Variants in SLC4A3 observed in about 807,000 individuals in gnomAD.
SLC4A3 encodes the protein anion exchange protein 3.
In SLC4A3, 47 loss-of-function variants were observed where a neutral mutation model predicts 114.2. The ratio of observed to expected loss-of-function variants is 0.41; its 90% CI spans 0.33 to 0.52. The LOEUF is 0.52. Among genes scored for constraint, SLC4A3 ranks in the 20% least tolerant of loss-of-function variants. The pLI is 0.21. For synonymous variants in SLC4A3, 693 were observed against 710.3 expected (o/e 0.98, Z 0.39); for missense variants, 1,312 against 1,668.3 (o/e 0.79, Z 3.72).
rs1175355720 is a variant in SLC4A3, at chr2:219,629,299, C to G, written c.373C>G (p.Pro125Ala). 2.5e-6 allele frequency: 4 copies of G among 1,613,726 alleles called. No homozygotes were observed. The South Asian group carries it at 4.4e-5, about 18-fold the overall frequency. Reference sequence around the variant, plus strand: ...TGCTCCTCCCTCCGAGGGGACCCCTCCCATCCAGGAGGAGGGGGGAGCTGG... The same window carrying G: ...TGCTCCTCCCTCCGAGGGGACCCCTGCCATCCAGGAGGAGGGGGGAGCTGG... ...TSAPPSEGTP[P>A]IQEEGGAGVD... The change falls in exon 4 of 23, where the codon CCC (proline) becomes GCC (alanine). Residue 125 changes from proline (P) to alanine (A), a missense_variant. This residue lies in a region of SLC4A3 where 236 missense variants were observed against 212.1 expected (regional missense o/e 1.11). Coordinates refer to ENST00000358055, the MANE Select transcript of SLC4A3 (RefSeq NM_005070.4).
Position 219,628,870 on chromosome 2 carries a change from C to T in SLC4A3, c.218-274C>T, listed in dbSNP as rs780172514. 2.7e-4 allele frequency: 159 copies of T among 582,402 alleles called. No individual in the cohort carries two copies. The highest frequency in any genetic ancestry group is 3.9e-4 in the Non-Finnish European group (129 of 333,772). The allele number at this position is 582,402 out of a possible 1,614,324, so 36.1% of individuals were successfully genotyped here. ...CACTCACTCCCTCCTTGTCCCACCTCGGCTAGTCCAACTCCGCCTTTCCCC... is the reference window on the plus strand; with the variant it reads ...CACTCACTCCCTCCTTGTCCCACCTTGGCTAGTCCAACTCCGCCTTTCCCC... On this transcript the variant is annotated intron_variant, in intron 3 of 22. Coordinates refer to ENST00000358055, the MANE Select transcript of SLC4A3 (RefSeq NM_005070.4). The surrounding 1 kb of genome is among the most constrained non-coding windows in gnomAD (Gnocchi z 4.8).
intron 10 of SLC4A3, 161 bp from the exon 11 acceptor site, chr2:219,633,719 C>T: frequency 1.7e-6 from 2 of 1,156,400 alleles, no homozygotes; most frequent in East Asian, 2.6e-5. Context: ...AGGCAGGGTC[C>T]ACATCCCAGC....
Position 219,639,884 on chromosome 2 carries a change from C to T in SLC4A3, c.3277+149C>T. On this transcript the variant is annotated intron_variant, in intron 20 of 22. Coordinates refer to ENST00000358055, the MANE Select transcript of SLC4A3 (RefSeq NM_005070.4). The surrounding 1 kb of genome is among the most constrained non-coding windows in gnomAD (Gnocchi z 5.9). Reference sequence around the variant, plus strand: ...AACCTGCTTCCCAGCACTCCCCTAGCCCTTTACTCCTGGAGTCCTTTTCTG... The same window carrying T: ...AACCTGCTTCCCAGCACTCCCCTAGTCCTTTACTCCTGGAGTCCTTTTCTG... 1 of 975,462 alleles carries T rather than the reference C, an allele frequency of 1.0e-6. No individual in the cohort carries two copies. The highest frequency in any genetic ancestry group is 1.5e-6 in the Non-Finnish European group (1 of 665,660). The allele number at this position is 975,462 out of a possible 1,614,324, so 60.4% of individuals were successfully genotyped here.
intron 10 of SLC4A3, 93 bp downstream of exon 10, chr2:219,633,550 G>T: frequency 8.4e-7 from 1 of 1,189,632 alleles, no homozygotes; most frequent in South Asian, 1.7e-5. Context: ...GGGTTGGGAA[G>T]GTTGGATTGC....
In SLC4A3 at chr2:219,628,445, TGGA is replaced by T. The variant is rs1559195653; in HGVS notation, c.102_104del (p.Glu34del). The T allele has an allele frequency of 3.1e-6, 5 of 1,613,378 alleles. No homozygotes were observed. In the South Asian group the frequency reaches 5.5e-5, roughly 18 times the overall value. Reference sequence around the variant, plus strand: ...GAGGAGCCCCCTCTAAGTCCAGACGTGGAGGAGGAGGACGATGACTTGGGCAAG... The same window carrying T: ...GAGGAGCCCCCTCTAAGTCCAGACGTGGAGGAGGACGATGACTTGGGCAAG... On this transcript the variant is annotated inframe_deletion, in exon 3 of 23. Coordinates refer to ENST00000358055, the MANE Select transcript of SLC4A3 (RefSeq NM_005070.4). The surrounding 1 kb of genome is among the most constrained non-coding windows in gnomAD (Gnocchi z 4.8).
In SLC4A3 at chr2:219,641,744, C is replaced by T; in HGVS notation, c.*16C>T. On this transcript the variant is annotated 3_prime_UTR_variant, in exon 23 of 23. Coordinates refer to ENST00000358055, the MANE Select transcript of SLC4A3 (RefSeq NM_005070.4). This position sits in a 1 kb window ranked among gnomAD's most constrained non-coding sequence, Gnocchi z 4.0. ...GCCAGTGTGACCCTTGAAGACAGTG[C>T]CCCTCAGAGACCCCAAGACCTTAGG... The T allele has an allele frequency of 6.2e-7, 1 of 1,605,158 alleles. No homozygotes were observed. The highest frequency in any genetic ancestry group is 8.5e-7 in the Non-Finnish European group (1 of 1,171,992).
chr2:219,629,693 C>G lies in SLC4A3; in HGVS notation c.609C>G (p.Ser203Arg). The G allele has an allele frequency of 6.2e-7, 1 of 1,605,128 alleles. No individual in the cohort carries two copies. Among genetic ancestry groups the G allele is most frequent in the Non-Finnish European group, 8.5e-7 (1 of 1,173,398 alleles). ...PHTDKSPQHS[S>R]SSPSPRARAS... Reference sequence around the variant, plus strand: ...CTGACAAGAGCCCCCAGCACTCCAGCAGGTACTGGCTGCAGCCTCTACTCA... The same window carrying G: ...CTGACAAGAGCCCCCAGCACTCCAGGAGGTACTGGCTGCAGCCTCTACTCA... Residue 203 changes from serine to arginine, a missense_variant and splice_region_variant, in exon 5 of 23, where the codon AGC (serine) becomes AGG (arginine). Around this residue, in one of 4 missense-constraint regions of SLC4A3, gnomAD observed 771 missense variants for 977.7 expected, o/e 0.79. Coordinates refer to ENST00000358055, the MANE Select transcript of SLC4A3 (RefSeq NM_005070.4).
chr2:219,632,255 C>T lies in SLC4A3; in HGVS notation c.961-7C>T. ...CCCTGGGCCCTCACCTTTGGCACGC[C>T]CCCCAGGTGTTCGTGGAGCTGAACG... On this transcript the variant is annotated splice_polypyrimidine_tract_variant and splice_region_variant and intron_variant, in intron 7 of 22. Coordinates refer to ENST00000358055, the MANE Select transcript of SLC4A3 (RefSeq NM_005070.4). 6.2e-7 allele frequency: 1 copy of T among 1,613,954 alleles called. No homozygotes were observed. The highest frequency in any genetic ancestry group is 1.3e-5 in the African/African-American group (1 of 75,062).
chr2:219,630,398 TC>T lies in SLC4A3; in HGVS notation c.811+49del. The stretch of plus-strand genomic sequence containing the variant: ...GCCCCCATGGTCCACTGCGACGGAC[TC>T]CCAGCCTGCGAGTGACCTTGGAGAG... On this transcript the variant is annotated intron_variant, in intron 6 of 22. Coordinates refer to ENST00000358055, the MANE Select transcript of SLC4A3 (RefSeq NM_005070.4). The surrounding 1 kb of genome is among the most constrained non-coding windows in gnomAD (Gnocchi z 6.9). 1 of 1,547,170 alleles carries T rather than the reference TC, an allele frequency of 6.5e-7. No homozygotes were observed. The highest frequency in any genetic ancestry group is 8.7e-7 in the Non-Finnish European group (1 of 1,147,556).
chr2:219,627,748 A>C lies in SLC4A3; in HGVS notation c.-94+3A>C. ...CTCGCAGGCTCCGGAGCCCCGAGGTACCGCGGGGCGGGGCACGCCGGGCAG... is the reference window on the plus strand; with the variant it reads ...CTCGCAGGCTCCGGAGCCCCGAGGTCCCGCGGGGCGGGGCACGCCGGGCAG... On this transcript the variant is annotated splice_donor_region_variant and intron_variant, in intron 1 of 22. Coordinates refer to ENST00000358055, the MANE Select transcript of SLC4A3 (RefSeq NM_005070.4). The C allele has an allele frequency of 3.3e-6, 1 of 301,736 alleles. No individual in the cohort carries two copies. Among genetic ancestry groups the C allele is most frequent in the Non-Finnish European group, 6.1e-6 (1 of 165,198 alleles). 18.7% of individuals were successfully genotyped at this position (301,736 alleles called of 1,614,324 possible).
rs1172804322 is a variant in SLC4A3 at position 219,635,476 on chromosome 2, G to T, written c.1952G>T (p.Gly651Val). Residue 651 changes from glycine (G) to valine (V), a missense_variant, in exon 13 of 23, where the codon GGC (glycine) becomes GTC (valine). This residue lies in a region of SLC4A3 where 771 missense variants were observed against 977.7 expected (regional missense o/e 0.79). Transcript: ENST00000358055. The part of the protein sequence containing the change: ...QTKVEMTTRG[G>V]YTAPGKELSL... ...AAAGTCGAGATGACCACACGGGGTG[G>T]CTACACGGCCCCTGGGAAAGGTCAG... is the stretch of plus-strand genomic sequence containing the variant. 9.3e-6 allele frequency: 15 copies of T among 1,612,100 alleles called. No homozygotes were observed. The highest frequency in any genetic ancestry group is 1.3e-5 in the Non-Finnish European group (15 of 1,179,110).
rs1237813312 is a variant in SLC4A3 at position 219,638,053 on chromosome 2, G to A, written c.2767-111G>A. On this transcript the variant is annotated intron_variant, in intron 17 of 22. Coordinates refer to ENST00000358055, the MANE Select transcript of SLC4A3 (RefSeq NM_005070.4). This position sits in a 1 kb window ranked among gnomAD's most constrained non-coding sequence, Gnocchi z 7.5. Reference sequence around the variant, plus strand: ...TGTGGGGTTGAGAGGCACGTGGGGGGCCTTCTGGCTCCAGCTTGGACCCAG... The same window carrying A: ...TGTGGGGTTGAGAGGCACGTGGGGGACCTTCTGGCTCCAGCTTGGACCCAG... The A allele has an allele frequency of 6.8e-6, 6 of 888,302 alleles. No homozygotes were observed. In the African/African-American group the frequency reaches 9.9e-5, roughly 15 times the overall value. The allele number at this position is 888,302 out of a possible 1,614,324, so 55.0% of individuals were successfully genotyped here. A position where few individuals can be genotyped will look rare whatever the true frequency, so the allele number is the denominator to read the frequency against.
At position 219,639,822 on chromosome 2, in the gene SLC4A3, C is replaced by G; in HGVS notation, c.3277+87C>G. 2 of 1,519,268 alleles carry G rather than the reference C, an allele frequency of 1.3e-6. No individual in the cohort carries two copies. The highest frequency in any genetic ancestry group is 1.8e-6 in the Non-Finnish European group (2 of 1,127,678). 94.1% of individuals were successfully genotyped at this position (1,519,268 alleles called of 1,614,324 possible). ...CTATCCCAGGCTTGACCCTGAATCT[C>G]CCAATGTGCTGTGTGTTGCCCTCAA... On this transcript the variant is annotated intron_variant, in intron 20 of 22. Coordinates refer to ENST00000358055, the MANE Select transcript of SLC4A3 (RefSeq NM_005070.4). The surrounding 1 kb of genome is among the most constrained non-coding windows in gnomAD (Gnocchi z 5.9).
Position 219,637,632 on chromosome 2 carries a change from G to C in SLC4A3, c.2587G>C (p.Glu863Gln), listed in dbSNP as rs1439379824. Residue 863 changes from glutamate (E) to glutamine (Q), a missense_variant, in exon 17 of 23, where the codon GAG becomes CAG. Glu to Gln is a conservative substitution (Grantham distance 29). This residue lies in a region of SLC4A3 where 771 missense variants were observed against 977.7 expected (regional missense o/e 0.79). Transcript: ENST00000358055. The surrounding 1 kb of genome is among the most constrained non-coding windows in gnomAD (Gnocchi z 4.6). ...GTTCTACCCCCCTGAGGGGGCCCTGGAGGGGTCCCTGGATGCTGGTCTGGA... is the reference window on the plus strand; with the variant it reads ...GTTCTACCCCCCTGAGGGGGCCCTGCAGGGGTCCCTGGATGCTGGTCTGGA... ...LPFYPPEGALEGSLDAGLEPN... is the reference protein window; with the variant it reads ...LPFYPPEGALQGSLDAGLEPN... 3.1e-6 allele frequency: 5 copies of C among 1,612,960 alleles called. No homozygotes were observed. The highest frequency in any genetic ancestry group is 4.2e-6 in the Non-Finnish European group (5 of 1,179,274).
In SLC4A3 at chr2:219,636,473, T is replaced by C. The variant is rs772865317; in HGVS notation, c.2340+23T>C. 1 of 1,582,720 alleles carries C rather than the reference T, an allele frequency of 6.3e-7. No individual in the cohort carries two copies. The highest frequency in any genetic ancestry group is 1.2e-5 in the South Asian group (1 of 84,706). ...AAGGTGAGGCGAAGCCTTGCCCTGC[T>C]CCATCCATCCTGCCCCACACTCTTC... On this transcript the variant is annotated intron_variant, in intron 15 of 22. Transcript: ENST00000358055. This position sits in a 1 kb window ranked among gnomAD's most constrained non-coding sequence, Gnocchi z 5.5.
In SLC4A3 at chr2:219,631,019, G is replaced by A; in HGVS notation, c.811+667G>A. The A allele has an allele frequency of 1.5e-6, 1 of 676,292 alleles. No individual in the cohort carries two copies. Among genetic ancestry groups the A allele is most frequent in the South Asian group, 3.7e-5 (1 of 26,922 alleles). 41.9% of individuals were successfully genotyped at this position (676,292 alleles called of 1,614,324 possible). A position where few individuals can be genotyped will look rare whatever the true frequency, so the allele number is the denominator to read the frequency against. On this transcript the variant is annotated intron_variant, in intron 6 of 22. Transcript: ENST00000358055. The surrounding 1 kb of genome is among the most constrained non-coding windows in gnomAD (Gnocchi z 6.3). Reference sequence around the variant, plus strand: ...GGACAGGAACAATCCGATGGCAGCAGTAGCAGCAGGATGGGGGGTGGGGGA... The same window carrying A: ...GGACAGGAACAATCCGATGGCAGCAATAGCAGCAGGATGGGGGGTGGGGGA...
At chr2:219,632,213 T>C in intron 7 of SLC4A3, 49 bp from the exon 8 acceptor site, 1 of 1,612,064 alleles carries the variant, frequency 6.2e-7, no homozygotes, top group Non-Finnish European at 8.5e-7. Context: ...ATCACGGTGT[T>C]CCCCACACCT....
Position 219,628,183 on chromosome 2 carries a change from G to A in SLC4A3, c.51+140G>A. ...TGGGCTGGGGGTTACGGAGAAAGAG[G>A]GGGGTTTTTGATATTTTCCAGATCC... On this transcript the variant is annotated intron_variant, in intron 2 of 22. Coordinates refer to ENST00000358055, the MANE Select transcript of SLC4A3 (RefSeq NM_005070.4). The surrounding 1 kb of genome is among the most constrained non-coding windows in gnomAD (Gnocchi z 4.8). 2.5e-6 allele frequency: 2 copies of A among 815,078 alleles called. No homozygotes were observed. Among genetic ancestry groups the A allele is most frequent in the Non-Finnish European group, 3.7e-6 (2 of 533,484 alleles). The allele number at this position is 815,078 out of a possible 1,614,324, so 50.5% of individuals were successfully genotyped here.
rs781559136 is a variant in SLC4A3 at position 219,630,758 on chromosome 2, C to G, written c.811+406C>G. Among the ~76,000 whole-genome samples the G allele has an allele frequency of 6.6e-6, 1 of 152,154 alleles. No homozygotes were observed. Among genetic ancestry groups the G allele is most frequent in the Non-Finnish European group, 1.5e-5 (1 of 68,026 alleles). ...TGCCTCTCCCTGTGTCAGGACCCTT[C>G]ACTCCCATCCCACTACCCTTGGGGG... On this transcript the variant is annotated intron_variant, in intron 6 of 22. Transcript: ENST00000358055. The surrounding 1 kb of genome is among the most constrained non-coding windows in gnomAD (Gnocchi z 6.9).
Sources: allele counts gnomAD v4.1 joint callset (sites outside exome capture counted in the v4.1 genomes callset), GRCh38; gene constraint gnomAD v4.1.1; regional missense constraint gnomAD v4.1.1; non-coding constraint Gnocchi (gnomAD v3.1); transcripts MANE v1.5; gene names NCBI Gene and HGNC (gene_info 2026-07-23, HGNC 2026-07-21).